KIRREL3: variants seen among roughly 807,000 people sequenced by gnomAD.
KIRREL3 encodes the protein kin of IRRE-like protein 3.
KIRREL3 carries 36 observed loss-of-function variants against 89.7 expected under a neutral mutation model. That is an observed-to-expected ratio of 0.40 (90% CI 0.31 to 0.53). The LOEUF (loss-of-function observed/expected upper bound fraction) is 0.53, where lower values mean the gene tolerates loss of function less well. Among genes scored for constraint, KIRREL3 ranks in the 20% least tolerant of loss-of-function variants. The pLI is 0.49. For missense variants in KIRREL3, 864 were observed against 1,056.6 expected, an observed-to-expected ratio of 0.82 and a Z score of 2.53; for synonymous variants, 445 against 441.4, an observed-to-expected ratio of 1.01 and a Z score of -0.10.
Position 126,870,835 on chromosome 11 carries a change from G to A in KIRREL3, c.55+129620C>T, listed in dbSNP as rs1464759200. ...CCTGCACTGCCCCTCCCCACTTCCA[G>A]TGTAGATCTGGGCCCCTGTACATGT... On this transcript the variant is annotated intron_variant, in intron 1 of 16. Coordinates refer to ENST00000525144, the MANE Select transcript of KIRREL3 (RefSeq NM_032531.4). This position sits in a 1 kb window ranked among gnomAD's most constrained non-coding sequence, Gnocchi z 4.4. Among the ~76,000 whole-genome samples the A allele has an allele frequency of 6.6e-6, 1 of 151,960 alleles. No individual in the cohort carries two copies. The highest frequency in any genetic ancestry group is 1.5e-5 in the Non-Finnish European group (1 of 67,958).
At position 126,797,649 on chromosome 11, in the gene KIRREL3, C is replaced by T. The variant is rs1409467994; in HGVS notation, c.55+202806G>A. Among the ~76,000 whole-genome samples, 6 of 152,062 alleles carry T rather than the reference C, an allele frequency of 3.9e-5. No individual in the cohort carries two copies. The highest frequency in any genetic ancestry group is 1.3e-4 in the Admixed American group (2 of 15,264). ...GGGGCTTCTGATGGGGCCCTGGCAG[C>T]GGGAGTCTCAGCATCCAAGCACAAT... On this transcript the variant is annotated intron_variant, in intron 1 of 16. Transcript: ENST00000525144. This position sits in a 1 kb window ranked among gnomAD's most constrained non-coding sequence, Gnocchi z 4.9.
chr11:126,994,498 G>C lies in KIRREL3; in HGVS notation c.55+5957C>G, dbSNP rs488054. On this transcript the variant is annotated intron_variant, in intron 1 of 16. Transcript: ENST00000525144. The surrounding 1 kb of genome is among the most constrained non-coding windows in gnomAD (Gnocchi z 5.2). ...GTTCATAGTGGTGTTGACTGTGTAC[G>C]CACTGAAACATTGTATGCTTATGGA... 6.6e-6 allele frequency among the ~76,000 whole-genome samples: 1 copy of C among 152,092 alleles called. No homozygotes were observed. Among genetic ancestry groups the C allele is most frequent in the African/African-American group, 2.4e-5 (1 of 41,360 alleles).
intron 1 of KIRREL3, among the ~76,000 whole-genome samples, chr11:126,822,379 G>A (rs1943255096): frequency 6.6e-6 from 1 of 152,204 alleles, no homozygotes; most frequent in African/African-American, 2.4e-5. Flanking sequence ...CTTGGTGAGT[G>A]CTCTAGAACT....
rs1833238659 is a variant in KIRREL3, at chr11:126,769,998, A to T, written c.56-207086T>A. ...TTTTCCCAGATCCCTGTATGGGCGG[A>T]TGTGCAGATCCCATTAAAATATCCT... On this transcript the variant is annotated intron_variant, in intron 1 of 16. Coordinates refer to ENST00000525144, the MANE Select transcript of KIRREL3 (RefSeq NM_032531.4). This position sits in a 1 kb window ranked among gnomAD's most constrained non-coding sequence, Gnocchi z 4.3. 6.6e-6 allele frequency among the ~76,000 whole-genome samples: 1 copy of T among 152,060 alleles called. No individual in the cohort carries two copies. Among genetic ancestry groups the T allele is most frequent in the Admixed American group, 6.6e-5 (1 of 15,258 alleles).
At chr11:126,460,773 C>T (rs1956514685) in intron 6 of KIRREL3, among the ~76,000 whole-genome samples, 1 of 152,188 alleles carries the variant, frequency 6.6e-6, no homozygotes, top group African/African-American at 2.4e-5. Flanking sequence ...TTTCCCGTTG[C>T]CTGGAGAGGT....
rs1949232084 is a variant in KIRREL3 at position 126,748,579 on chromosome 11, G to C, written c.56-185667C>G. ...TTAATATTGTTGAAGGGCAAGGGCGGGGCAGGAAGGGAGGGAATCGTGTGC... is the reference window on the plus strand; with the variant it reads ...TTAATATTGTTGAAGGGCAAGGGCGCGGCAGGAAGGGAGGGAATCGTGTGC... On this transcript the variant is annotated intron_variant, in intron 1 of 16. Coordinates refer to ENST00000525144, the MANE Select transcript of KIRREL3 (RefSeq NM_032531.4). The surrounding 1 kb of genome is among the most constrained non-coding windows in gnomAD (Gnocchi z 4.6). Among the ~76,000 whole-genome samples, 2 of 152,198 alleles carry C rather than the reference G, an allele frequency of 1.3e-5. No individual in the cohort carries two copies. Among genetic ancestry groups the C allele is most frequent in the Admixed American group, 1.3e-4 (2 of 15,284 alleles).
rs1944937651 is a variant in KIRREL3, at chr11:126,652,296, T to A, written c.56-89384A>T. Among the ~76,000 whole-genome samples the A allele has an allele frequency of 6.6e-6, 1 of 152,160 alleles. No individual in the cohort carries two copies. The highest frequency in any genetic ancestry group is 1.5e-5 in the Non-Finnish European group (1 of 68,038). On this transcript the variant is annotated intron_variant, in intron 1 of 16. Coordinates refer to ENST00000525144, the MANE Select transcript of KIRREL3 (RefSeq NM_032531.4). This position sits in a 1 kb window ranked among gnomAD's most constrained non-coding sequence, Gnocchi z 4.9. ...GCCAAAAAGCCCGGGTTGGGGTCTC[T>A]GTGGGTTGATGGATATAAACCATCT...
At chr11:126,658,875 G>A (rs567943066) in intron 1 of KIRREL3, among the ~76,000 whole-genome samples, 11 of 152,204 alleles carry the variant, frequency 7.2e-5, no homozygotes, top group African/African-American at 2.2e-4. Context: ...ATAAACAATC[G>A]GACTTGTTAC....
chr11:126,865,931 C>T (rs973771525), intron 1 of KIRREL3, among the ~76,000 whole-genome samples: 41 of 151,920 alleles, frequency 2.7e-4, no homozygotes, highest in African/African-American at 9.4e-4. Flanking sequence ...ACCGAGTTTC[C>T]GGCTGCCTCC....
rs1949664106 is a variant in KIRREL3, at chr11:126,761,419, A to G, written c.56-198507T>C. Among the ~76,000 whole-genome samples, 1 of 152,180 alleles carries G rather than the reference A, an allele frequency of 6.6e-6. No homozygotes were observed. Among genetic ancestry groups the G allele is most frequent in the South Asian group, 2.1e-4 (1 of 4,824 alleles). ...GTCCCCAGCAAAGGGCAGTGTCCAG[A>G]GTCCATTCTTCCTGCCTCATCACTG... On this transcript the variant is annotated intron_variant, in intron 1 of 16. Coordinates refer to ENST00000525144, the MANE Select transcript of KIRREL3 (RefSeq NM_032531.4). This position sits in a 1 kb window ranked among gnomAD's most constrained non-coding sequence, Gnocchi z 4.4.
intron 1 of KIRREL3, among the ~76,000 whole-genome samples, chr11:126,616,188 G>A (rs185178178): frequency 1.1e-4 from 16 of 152,268 alleles, no homozygotes; most frequent in African/African-American, 1.9e-4. Flanking sequence ...CTGAGATGGC[G>A]TTGCCCGTTC....
At chr11:126,600,017 C>A (rs188268834) in intron 1 of KIRREL3, among the ~76,000 whole-genome samples, 1 of 152,232 alleles carries the variant, frequency 6.6e-6, no homozygotes, top group East Asian at 1.9e-4. Flanking sequence ...TGGGCTATCA[C>A]CTCTCTAGTT....
chr11:126,560,937 C>A (rs1368681581), intron 2 of KIRREL3, among the ~76,000 whole-genome samples: 1 of 152,110 alleles, frequency 6.6e-6, no homozygotes, highest in East Asian at 1.9e-4. Context: ...GGCTGCTATT[C>A]CATTTTAATT....
chr11:126,451,658 ATG>A (rs1387161853), intron 7 of KIRREL3, among the ~76,000 whole-genome samples: 1 of 145,702 alleles, frequency 6.9e-6, no homozygotes, highest in Non-Finnish European at 1.5e-5. Flanking sequence ...GGGCGTGTGC[ATG>A]TGTGAGTGTG....
chr11:126,509,086 C>T (rs1958117458), intron 4 of KIRREL3, among the ~76,000 whole-genome samples: 1 of 152,198 alleles, frequency 6.6e-6, no homozygotes, highest in Non-Finnish European at 1.5e-5. Context: ...CCCTGTCTTT[C>T]CTAGTACCTA....
intron 1 of KIRREL3, among the ~76,000 whole-genome samples, chr11:126,874,013 G>T (rs1446945943): frequency 1.3e-5 from 2 of 152,100 alleles, no homozygotes; most frequent in Admixed American, 6.6e-5. Context: ...ACCCAGTAAT[G>T]TCCACATCTT....
chr11:126,765,734 A>G (rs1203257807), intron 1 of KIRREL3, among the ~76,000 whole-genome samples: 2 of 152,226 alleles, frequency 1.3e-5, no homozygotes, highest in Non-Finnish European at 2.9e-5. Context: ...GACCTCAGCC[A>G]GGAGAGTCCA....
At chr11:126,584,793 A>G (rs870817) in intron 1 of KIRREL3, among the ~76,000 whole-genome samples, 52,919 of 152,104 alleles carry the variant, frequency 0.35, 9,264 homozygotes, top group Admixed American at 0.41. Context: ...CACTGTCAAC[A>G]GGCCACAACC....
Position 126,719,728 on chromosome 11 carries a change from T to C in KIRREL3, c.56-156816A>G, listed in dbSNP as rs1948099604. 6.6e-6 allele frequency among the ~76,000 whole-genome samples: 1 copy of C among 152,188 alleles called. No homozygotes were observed. The highest frequency in any genetic ancestry group is 6.5e-5 in the Admixed American group (1 of 15,284). Reference sequence around the variant, plus strand: ...TCCCTGATGCCTTTCTCTAATACTTTATCTTTCAATCTTTTATCCAGAAAA... The same window carrying C: ...TCCCTGATGCCTTTCTCTAATACTTCATCTTTCAATCTTTTATCCAGAAAA... On this transcript the variant is annotated intron_variant, in intron 1 of 16. Coordinates refer to ENST00000525144, the MANE Select transcript of KIRREL3 (RefSeq NM_032531.4). This position sits in a 1 kb window ranked among gnomAD's most constrained non-coding sequence, Gnocchi z 4.7.
Sources: allele counts gnomAD v4.1 joint callset (sites outside exome capture counted in the v4.1 genomes callset), GRCh38; gene constraint gnomAD v4.1.1; non-coding constraint Gnocchi (gnomAD v3.1); transcripts MANE v1.5; gene names NCBI Gene and HGNC (gene_info 2026-07-23, HGNC 2026-07-21).